LHCGR: variants seen among roughly 807,000 people sequenced by gnomAD.
The protein encoded by LHCGR is lutropin-choriogonadotropic hormone receptor.
A neutral mutation model predicts 60.7 loss-of-function variants in LHCGR; 55 were observed. The observed-to-expected ratio is 0.91, with a 90% CI of 0.73 to 1.13. The LOEUF (loss-of-function observed/expected upper bound fraction) is 1.13. LHCGR is among the 50% of genes most tolerant of loss of function. LHCGR has a pLI of 0.00. For synonymous variants in LHCGR, 337 were observed against 316.5 expected, an observed-to-expected ratio of 1.06 and a Z score of -0.69; for missense variants, 862 against 836.0, an observed-to-expected ratio of 1.03 and a Z score of -0.38.
intron 10 of LHCGR, among the ~76,000 whole-genome samples, chr2:48,691,862 AAAG>A (rs1666863811): frequency 6.7e-6 from 1 of 149,096 alleles, no homozygotes; most frequent in Non-Finnish European, 1.5e-5. Context: ...AAAAAAAAAA[AAAG>A]GGTTTTAAAG....
At chr2:48,746,043 G>A (rs891549989) in intron 1 of LHCGR, among the ~76,000 whole-genome samples, 2 of 152,086 alleles carry the variant, frequency 1.3e-5, no homozygotes, top group African/African-American at 2.4e-5. Context: ...CATCTATAAA[G>A]TGTGTATAAT....
At position 48,729,363 on chromosome 2, in the gene LHCGR, G is replaced by A. The variant is rs544809461; in HGVS notation, c.234-136C>T. On this transcript the variant is annotated intron_variant, in intron 2 of 10. Transcript: ENST00000294954. ...CCCTGAAAAGAACAAAGATGTGCAA[G>A]TTGTCCCCAAATCATACAGTGCTAA... The A allele has an allele frequency of 1.4e-4, 101 of 733,332 alleles. No homozygotes were observed. The East Asian group carries it at 2.4e-3, about 17-fold the overall frequency. The allele number at this position is 733,332 out of a possible 1,614,324, so 45.4% of individuals were successfully genotyped here.
rs757225917 is a variant in LHCGR at position 48,688,362 on chromosome 2, G to A, written c.1435C>T (p.Arg479Ter). Residue 479 changes from arginine (R) to a stop codon, truncating the protein, a stop_gained, in exon 11 of 11, where the codon CGA becomes TGA. Coordinates refer to ENST00000294954, the MANE Select transcript of LHCGR (RefSeq NM_000233.4). LOFTEE classifies it high-confidence loss of function. The surrounding 1 kb of genome is among the most constrained non-coding windows in gnomAD (Gnocchi z 5.2). ...TYAIHLDQKL[R>*]LRHAILIMLG... ...ATAATCAGAATGGCATGTCTTAATC[G>A]CAGCTTTTGGTCCAGGTGAATAGCA... The A allele has an allele frequency of 1.1e-5, 17 of 1,614,118 alleles. No homozygotes were observed. The highest frequency in any genetic ancestry group is 1.4e-5 in the Non-Finnish European group (16 of 1,180,022).
At chr2:48,713,906 G>C (rs1668114499) in intron 7 of LHCGR, 80 bp downstream of exon 7, 2 of 1,122,818 alleles carry the variant, frequency 1.8e-6, no homozygotes, top group Non-Finnish European at 2.7e-6. Context: ...TGAGTTAGTT[G>C]CTGAAGATTG....
chr2:48,740,825 G>A (rs188732238), intron 1 of LHCGR, among the ~76,000 whole-genome samples: 186 of 152,338 alleles, frequency 1.2e-3, no homozygotes, highest in African/African-American at 4.4e-3. Flanking sequence ...ACCAGCAACG[G>A]AACAAAGCTG....
intron 1 of LHCGR, among the ~76,000 whole-genome samples, chr2:48,743,718 C>A (rs1430908843): frequency 7.2e-5 from 11 of 152,038 alleles, no homozygotes; most frequent in Non-Finnish European, 1.5e-4. Context: ...CTATCTATGA[C>A]AAACCCACAG....
chr2:48,749,185 TAGAG>T (rs1368750048), intron 1 of LHCGR, among the ~76,000 whole-genome samples: 1 of 152,186 alleles, frequency 6.6e-6, no homozygotes, highest in Non-Finnish European at 1.5e-5. Context: ...CAGGGCCACA[TAGAG>T]AGCAGCTGTG....
At chr2:48,735,966 C>A (rs551214775) in intron 1 of LHCGR, among the ~76,000 whole-genome samples, 1 of 152,194 alleles carries the variant, frequency 6.6e-6, no homozygotes, top group South Asian at 2.1e-4. Context: ...ATCATGAGAT[C>A]TGGTTGTTTA....
In LHCGR at chr2:48,698,621, G is replaced by T. The variant is rs749512481; in HGVS notation, c.860C>A (p.Thr287Lys). 1 of 1,613,818 alleles carries T rather than the reference G, an allele frequency of 6.2e-7. No homozygotes were observed. Among genetic ancestry groups the T allele is most frequent in the Non-Finnish European group, 8.5e-7 (1 of 1,179,794 alleles). Residue 287 changes from threonine to lysine, a missense_variant, in exon 9 of 11, where the codon ACA becomes AAA. Thr to Lys is a moderately conservative substitution (Grantham distance 78). Coordinates refer to ENST00000294954, the MANE Select transcript of LHCGR (RefSeq NM_000233.4). ...SHCCAFRNLP[T>K]KEQNFSHSIS... ...CCTTTTGGTTTCTACTTACTCTTTT[G>T]TTGGCAAGTTTCTAAAAGCACAGCA... is the stretch of plus-strand genomic sequence containing the variant.
chr2:48,740,828 C>G (rs1280089278), intron 1 of LHCGR, among the ~76,000 whole-genome samples: 1 of 152,236 alleles, frequency 6.6e-6, no homozygotes, highest in African/African-American at 2.4e-5. Context: ...AGCAACGGAA[C>G]AAAGCTGACA....
At chr2:48,739,466 G>A (rs1258707653) in intron 1 of LHCGR, among the ~76,000 whole-genome samples, 1 of 152,170 alleles carries the variant, frequency 6.6e-6, no homozygotes, top group African/African-American at 2.4e-5. Context: ...TATACACCAT[G>A]GAATACTATG....
intron 8 of LHCGR, among the ~76,000 whole-genome samples, chr2:48,703,466 G>A (rs866402147): frequency 2.6e-5 from 4 of 152,122 alleles, no homozygotes; most frequent in Non-Finnish European, 4.4e-5. Context: ...TTTAAGGAAG[G>A]GATCCAGTTT....
intron 1 of LHCGR, among the ~76,000 whole-genome samples, chr2:48,754,825 C>T (rs1572903987): frequency 6.6e-6 from 1 of 152,274 alleles, no homozygotes; most frequent in Middle Eastern, 3.4e-3. Flanking sequence ...CCCCATTACT[C>T]CAGAAACAAC....
At chr2:48,704,732 A>G (rs1451238457) in intron 8 of LHCGR, among the ~76,000 whole-genome samples, 1 of 151,968 alleles carries the variant, frequency 6.6e-6, no homozygotes, top group African/African-American at 2.4e-5. Flanking sequence ...GATCAGTGGT[A>G]ATATCCCCTT....
In LHCGR at chr2:48,698,752, C is replaced by G; in HGVS notation, c.729G>C (p.Glu243Asp). The change falls in exon 9 of 11, where the codon GAG becomes GAC. Residue 243 changes from glutamate (E) to aspartate (D), a missense_variant. Transcript: ENST00000294954. ...ACGTGGCAATTAGCCTCTGAATGGACTCTAGGCCATAGCTCGGCAGGGCCT... is the reference window on the plus strand; with the variant it reads ...ACGTGGCAATTAGCCTCTGAATGGAGTCTAGGCCATAGCTCGGCAGGGCCT... The part of the protein sequence containing the change: ...KLQALPSYGL[E>D]SIQRLIATSS... 6 of 1,614,146 alleles carry G rather than the reference C, an allele frequency of 3.7e-6. No individual in the cohort carries two copies. Among genetic ancestry groups the G allele is most frequent in the Non-Finnish European group, 5.1e-6 (6 of 1,179,986 alleles).
At chr2:48,701,486 C>T (rs897188982) in intron 8 of LHCGR, among the ~76,000 whole-genome samples, 1 of 152,156 alleles carries the variant, frequency 6.6e-6, no homozygotes, top group Non-Finnish European at 1.5e-5. Flanking sequence ...CCTCCTGGAA[C>T]ACTTTTCCTG....
intron 3 of LHCGR, among the ~76,000 whole-genome samples, chr2:48,727,126 T>C (rs1216897376): frequency 6.6e-6 from 1 of 152,102 alleles, no homozygotes; most frequent in Non-Finnish European, 1.5e-5. Flanking sequence ...GAAGGGACTT[T>C]TATCTCTAAA....
rs1438649955 is a variant in LHCGR, at chr2:48,705,808, C to T, written c.680+3140G>A. Reference sequence around the variant, plus strand: ...GTGTCTTTGCATGTGAGATGGGTCTCCTGAATACAGCACACTGATGGGTCT... The same window carrying T: ...GTGTCTTTGCATGTGAGATGGGTCTTCTGAATACAGCACACTGATGGGTCT... On this transcript the variant is annotated intron_variant, in intron 8 of 10. Coordinates refer to ENST00000294954, the MANE Select transcript of LHCGR (RefSeq NM_000233.4). Among the ~76,000 whole-genome samples, 5 of 151,994 alleles carry T rather than the reference C, an allele frequency of 3.3e-5. No homozygotes were observed. The East Asian group carries it at 9.6e-4, about 29-fold the overall frequency.
At chr2:48,738,960 C>T (rs906261733) in intron 1 of LHCGR, among the ~76,000 whole-genome samples, 1 of 152,226 alleles carries the variant, frequency 6.6e-6, no homozygotes, top group Admixed American at 6.5e-5. Context: ...CCTCCCTAGG[C>T]AAATCAAACT....
Sources: gnomAD v4.1 joint callset for allele counts (sites outside exome capture counted in the v4.1 genomes callset) on GRCh38, gnomAD v4.1.1 for gene constraint, Gnocchi (gnomAD v3.1) non-coding constraint, MANE v1.5 for transcripts, NCBI Gene and HGNC (gene_info 2026-07-23, HGNC 2026-07-21) for gene names.